The following SMARCA5 variants were observed in gnomAD, a reference collection of about 807,000 sequenced individuals.
SMARCA5 encodes the protein SNF2 related chromatin remodeling ATPase 5.
In SMARCA5, 18 loss-of-function variants were observed where a neutral mutation model predicts 140.4. The ratio of observed to expected loss-of-function variants is 0.13; its 90% CI spans 0.09 to 0.19. The LOEUF (loss-of-function observed/expected upper bound fraction) is 0.19, where lower values mean the gene tolerates loss of function less well. Ranked by LOEUF, SMARCA5 falls within the 10% of genes least tolerant of loss-of-function variation. The pLI, the probability that SMARCA5 is intolerant of heterozygous loss-of-function variation, is 1.00. For missense variants in SMARCA5, 606 were observed against 1,276.8 expected, an observed-to-expected ratio of 0.47 and a Z score of 8.01; for synonymous variants, 449 against 419.6, an observed-to-expected ratio of 1.07 and a Z score of -0.86.
At position 143,514,690 on chromosome 4, in the gene SMARCA5, A is replaced by G. The variant is rs975677077; in HGVS notation, c.177+589A>G. 53 of 152,464 alleles carry G rather than the reference A, an allele frequency of 3.5e-4. 1 individual carries two copies. The highest frequency in any genetic ancestry group is 1.1e-3 in the African/African-American group (47 of 41,482). 9.4% of individuals were successfully genotyped at this position (152,464 alleles called of 1,614,324 possible). ...GGGGCGCAGCTGCTTCTGTGAAGGG[A>G]GAGAAGGCCCCTCCCAGGCACTATT... On this transcript the variant is annotated intron_variant, in intron 1 of 23. Transcript: ENST00000283131.
intron 1 of SMARCA5, chr4:143,514,349 A>G: frequency 2.1e-6 from 1 of 476,396 alleles, no homozygotes; most frequent in Non-Finnish European, 3.7e-6. Context: ...CCTGACAAAT[A>G]TTTGAACGCT....
chr4:143,531,223 C>T (rs1335560599), intron 9 of SMARCA5, among the ~76,000 whole-genome samples: 4 of 152,186 alleles, frequency 2.6e-5, no homozygotes, highest in Non-Finnish European at 4.4e-5. Flanking sequence ...TTTCTTAAAT[C>T]TAGCTACATT....
At chr4:143,525,251 G>A (rs532735733) in intron 4 of SMARCA5, among the ~76,000 whole-genome samples, 200 bp from the exon 5 acceptor site, 28 of 152,198 alleles carry the variant, frequency 1.8e-4, no homozygotes, top group South Asian at 1.2e-3. Flanking sequence ...CATGTTTCCC[G>A]CACTTGATTA....
chr4:143,548,479 C>T (rs185578126), intron 22 of SMARCA5, among the ~76,000 whole-genome samples: 98 of 152,138 alleles, frequency 6.4e-4, no homozygotes, highest in Non-Finnish European at 1.3e-3. Flanking sequence ...ATCTGCACAT[C>T]AGAATCAGCA....
chr4:143,546,947 CT>C (rs760881173), intron 20 of SMARCA5, 39 bp downstream of exon 20: 2 of 1,598,840 alleles, frequency 1.3e-6, no homozygotes, highest in African/African-American at 1.3e-5. Flanking sequence ...TTAGTAAGAG[CT>C]GTTGGAAGGT....
In SMARCA5 at chr4:143,553,207, CTAACTT is replaced by C. The variant is rs1737680215; in HGVS notation, c.*27_*32del. Reference sequence around the variant, plus strand: ...TGAATATGTTTTTGTTTCATAATCACTAACTTTAAACCAGTAGTTCTTTAATTTACG... The same window carrying C: ...TGAATATGTTTTTGTTTCATAATCACTAAACCAGTAGTTCTTTAATTTACG... On this transcript the variant is annotated 3_prime_UTR_variant, in exon 24 of 24. Coordinates refer to ENST00000283131, the MANE Select transcript of SMARCA5 (RefSeq NM_003601.4). 2.6e-6 allele frequency: 4 copies of C among 1,557,268 alleles called. No individual in the cohort carries two copies. Among genetic ancestry groups the C allele is most frequent in the Admixed American group, 1.7e-5 (1 of 59,780 alleles).
In SMARCA5 at chr4:143,536,645, T is replaced by G. The variant is rs1478552172; in HGVS notation, c.1462T>G (p.Leu488Val). Residue 488 changes from leucine (L) to valine (V), a missense_variant, in exon 11 of 24, where the codon TTA becomes GTA. Physicochemically the swap from Leu to Val is conservative, Grantham distance 32. This residue lies in a region of SMARCA5 where 68 missense variants were observed against 126.9 expected (regional missense o/e 0.54). Transcript: ENST00000283131. Reference protein sequence around the residue: ...LVTNSGKMVVLDKLLPKLKEQ... With the variant: ...LVTNSGKMVVVDKLLPKLKEQ... ...AACCAACAGTGGCAAAATGGTGGTT[T>G]TAGACAAGCTGCTCCCTAAGTTAAA... The G allele has an allele frequency of 6.2e-7, 1 of 1,613,428 alleles. No individual in the cohort carries two copies.
chr4:143,531,368 C>G (rs992403083), intron 9 of SMARCA5, among the ~76,000 whole-genome samples: 2 of 152,224 alleles, frequency 1.3e-5, no homozygotes, highest in African/African-American at 4.8e-5. Context: ...ACTTCTCTAA[C>G]AGACACCAGA....
At chr4:143,514,839 G>A (rs528502122) in intron 1 of SMARCA5, among the ~76,000 whole-genome samples, 1 of 151,688 alleles carries the variant, frequency 6.6e-6, no homozygotes, top group Non-Finnish European at 1.5e-5. Context: ...TCTCAGTCCG[G>A]CACTTTTCTC....
chr4:143,548,896 G>T (rs1466575325), intron 22 of SMARCA5, among the ~76,000 whole-genome samples: 1 of 152,018 alleles, frequency 6.6e-6, no homozygotes, highest in Non-Finnish European at 1.5e-5. Flanking sequence ...ATAGTAAGCA[G>T]TATTTTCATG....
chr4:143,513,801 C>A lies in SMARCA5; in HGVS notation c.-124C>A, dbSNP rs1736753187. 9.6e-6 allele frequency: 11 copies of A among 1,148,094 alleles called. No individual in the cohort carries two copies. The highest frequency in any genetic ancestry group is 2.9e-4 in the Middle Eastern group (1 of 3,462). 71.1% of individuals were successfully genotyped at this position (1,148,094 alleles called of 1,614,324 possible). A position where few individuals can be genotyped will look rare whatever the true frequency, so the allele number is the denominator to read the frequency against. ...GTCGCGGAGGCGCGGCGCAGGGGAGCGCTCGGGTGGGAGTCTCGCTCCTCC... is the reference window on the plus strand; with the variant it reads ...GTCGCGGAGGCGCGGCGCAGGGGAGAGCTCGGGTGGGAGTCTCGCTCCTCC... On this transcript the variant is annotated 5_prime_UTR_variant, in exon 1 of 24. Transcript: ENST00000283131.
At chr4:143,526,526 G>T (rs900267758) in intron 6 of SMARCA5, 66 bp downstream of exon 6, 2 of 1,022,772 alleles carry the variant, frequency 2.0e-6, no homozygotes, top group African/African-American at 1.6e-5. Flanking sequence ...TTGGGTATGG[G>T]TATAGCTGGA....
intron 4 of SMARCA5, among the ~76,000 whole-genome samples, chr4:143,525,140 G>C (rs114127921): frequency 1.5e-3 from 223 of 151,684 alleles, no homozygotes; most frequent in African/African-American, 5.3e-3. Flanking sequence ...AGGAACACTT[G>C]GTTTTTCATT....
chr4:143,513,954 C>G lies in SMARCA5; in HGVS notation c.30C>G (p.Pro10=). The G allele has an allele frequency of 6.4e-7, 1 of 1,551,338 alleles. No homozygotes were observed. Among genetic ancestry groups the G allele is most frequent in the Non-Finnish European group, 8.7e-7 (1 of 1,155,614 alleles). The change falls in exon 1 of 24, where the codon CCC becomes CCG. Residue 10 remains proline, a synonymous_variant. Transcript: ENST00000283131. The stretch of plus-strand genomic sequence containing the variant: ...CGTCCGCGGCCGAGCCTCCGCCACC[C>G]CCGCCTCCCGAGAGCGCGCCTTCCA... The part of the protein sequence containing the change: MSSAAEPPP[P]PPPESAPSKP...
In SMARCA5 at chr4:143,513,809, TG is replaced by T; in HGVS notation, c.-113del. Reference sequence around the variant, plus strand: ...GGCGCGGCGCAGGGGAGCGCTCGGGTGGGAGTCTCGCTCCTCCACCAGTTTA... The same window carrying T: ...GGCGCGGCGCAGGGGAGCGCTCGGGTGGAGTCTCGCTCCTCCACCAGTTTA... On this transcript the variant is annotated 5_prime_UTR_variant, in exon 1 of 24. Transcript: ENST00000283131. 8.2e-7 allele frequency: 1 copy of T among 1,215,474 alleles called. No individual in the cohort carries two copies. Among genetic ancestry groups the T allele is most frequent in the Non-Finnish European group, 1.1e-6 (1 of 886,058 alleles). The allele number at this position is 1,215,474 out of a possible 1,614,324, so 75.3% of individuals were successfully genotyped here. A position where few individuals can be genotyped will look rare whatever the true frequency, so the allele number is the denominator to read the frequency against.
rs1737273838 is a variant in SMARCA5 at position 143,534,984 on chromosome 4, C to G, written c.1268+20C>G. On this transcript the variant is annotated intron_variant, in intron 10 of 23. Coordinates refer to ENST00000283131, the MANE Select transcript of SMARCA5 (RefSeq NM_003601.4). ...GGAATGGTATGTATTCTCAGATGTA[C>G]TTGATAGCACTATTGATTCTTCCCT... 1 of 1,418,408 alleles carries G rather than the reference C, an allele frequency of 7.1e-7. No homozygotes were observed. The highest frequency in any genetic ancestry group is 9.8e-7 in the Non-Finnish European group (1 of 1,018,404). 87.9% of individuals were successfully genotyped at this position (1,418,408 alleles called of 1,614,324 possible).
intron 13 of SMARCA5, among the ~76,000 whole-genome samples, chr4:143,539,521 T>G (rs568190043): frequency 6.8e-6 from 1 of 146,622 alleles, no homozygotes; most frequent in Non-Finnish European, 1.5e-5. Context: ...CTTTAATCTC[T>G]GTCATTAGTC....
Position 143,547,478 on chromosome 4 carries a change from G to C in SMARCA5, c.2747G>C (p.Ser916Thr). Residue 916 changes from serine to threonine, a missense_variant, in exon 21 of 24, where the codon AGC becomes ACC. Physicochemically the swap from Ser to Thr is moderately conservative, Grantham distance 58 (BLOSUM62 1). This residue lies in a region of SMARCA5 where 121 missense variants were observed against 227.1 expected (regional missense o/e 0.53). Transcript: ENST00000283131. Reference sequence around the variant, plus strand: ...GAGGCGAGAATTCAAAGAAGAATAAGCATCAAGAAAGCACTTGACACAAAG... The same window carrying C: ...GAGGCGAGAATTCAAAGAAGAATAACCATCAAGAAAGCACTTGACACAAAG... The part of the protein sequence containing the change: ...RGEARIQRRI[S>T]IKKALDTKIG... 1 of 1,599,506 alleles carries C rather than the reference G, an allele frequency of 6.3e-7. No individual in the cohort carries two copies. Among genetic ancestry groups the C allele is most frequent in the Non-Finnish European group, 8.6e-7 (1 of 1,167,286 alleles).
At position 143,553,508 on chromosome 4, in the gene SMARCA5, G is replaced by T; in HGVS notation, c.*324G>T. On this transcript the variant is annotated 3_prime_UTR_variant, in exon 24 of 24. Transcript: ENST00000283131. ...TAGCTATAATTTCTACACTTGTAAG[G>T]CTTAAAAACAAGTTAAAAAGAAAAT... 1 of 216,478 alleles carries T rather than the reference G, an allele frequency of 4.6e-6. No individual in the cohort carries two copies. Among genetic ancestry groups the T allele is most frequent in the Non-Finnish European group, 9.2e-6 (1 of 109,144 alleles). The allele number at this position is 216,478 out of a possible 1,614,324, so 13.4% of individuals were successfully genotyped here.
Sources: allele counts gnomAD v4.1 joint callset (sites outside exome capture counted in the v4.1 genomes callset), GRCh38; gene constraint gnomAD v4.1.1; regional missense constraint gnomAD v4.1.1; transcripts MANE v1.5; gene names NCBI Gene and HGNC (gene_info 2026-07-23, HGNC 2026-07-21).